NLN: variants seen among roughly 807,000 people sequenced by gnomAD.
NLN encodes the protein neurolysin, mitochondrial.
Under a neutral mutation model 79.9 loss-of-function variants are expected in NLN, and 64 were observed. The observed-to-expected ratio is 0.80, with a 90% CI of 0.65 to 0.99. The LOEUF (loss-of-function observed/expected upper bound fraction) is 0.99, where lower values mean the gene tolerates loss of function less well. Among genes scored for constraint, NLN ranks in the 50% least tolerant of loss-of-function variants. The pLI is 0.00. For synonymous variants in NLN, 267 were observed against 296.6 expected, an observed-to-expected ratio of 0.90 and a Z score of 1.02; for missense variants, 835 against 858.7, an observed-to-expected ratio of 0.97 and a Z score of 0.34.
chr5:65,750,019 T>A (rs1759068736), intron 1 of NLN, among the ~76,000 whole-genome samples: 1 of 152,174 alleles, frequency 6.6e-6, no homozygotes, highest in Non-Finnish European at 1.5e-5. Flanking sequence ...CCTCTGTTTC[T>A]CTGTCCTTTC....
chr5:65,809,351 T>C, intron 9 of NLN, 164 bp from the exon 10 acceptor site: 1 of 589,728 alleles, frequency 1.7e-6, no homozygotes, highest in Non-Finnish European at 2.9e-6. Flanking sequence ...ACTGTTCAGC[T>C]GCTGTGTTTT....
At chr5:65,776,314 T>C (rs116196133) in intron 3 of NLN, among the ~76,000 whole-genome samples, 1 of 152,204 alleles carries the variant, frequency 6.6e-6, no homozygotes. Context: ...TTAAGTAGTA[T>C]TTAGTTAAAA....
chr5:65,733,502 T>C, intron 1 of NLN: 1 of 1,400,128 alleles, frequency 7.1e-7, no homozygotes, highest in South Asian at 1.2e-5. Context: ...ACAGGGGTCA[T>C]GCCAATTGGG....
At chr5:65,773,525 AC>A (rs1759616160) in intron 3 of NLN, among the ~76,000 whole-genome samples, 1 of 152,202 alleles carries the variant, frequency 6.6e-6, no homozygotes, top group South Asian at 2.1e-4. Flanking sequence ...TTTGTATAAT[AC>A]AGAAAATCCC....
intron 2 of NLN, 82 bp downstream of exon 2, chr5:65,758,908 C>A: frequency 7.8e-7 from 1 of 1,283,746 alleles, no homozygotes; most frequent in Non-Finnish European, 1.1e-6. Flanking sequence ...TTCAGTTTTC[C>A]AGTTTTACAA....
rs374297510 is a variant in NLN at position 65,768,350 on chromosome 5, A to T, written c.450+5242A>T. 2.2e-4 allele frequency among the ~76,000 whole-genome samples: 34 copies of T among 152,194 alleles called. 1 individual carries two copies. The highest frequency in any genetic ancestry group is 7.7e-4 in the East Asian group (4 of 5,184). ...CATCTTACATGGTGGCAGGAGAGAGAGTGAACTTAGGGGAAGCATTAGACA... is the reference window on the plus strand; with the variant it reads ...CATCTTACATGGTGGCAGGAGAGAGTGTGAACTTAGGGGAAGCATTAGACA... On this transcript the variant is annotated intron_variant, in intron 3 of 12. Transcript: ENST00000380985.
chr5:65,746,414 A>G (rs1758979550), intron 1 of NLN, among the ~76,000 whole-genome samples: 1 of 152,204 alleles, frequency 6.6e-6, no homozygotes, highest in Admixed American at 6.5e-5. Flanking sequence ...ATAGTGAAGA[A>G]TGTCTGTTGC....
intron 1 of NLN, among the ~76,000 whole-genome samples, chr5:65,741,788 G>A (rs1758874254): frequency 6.6e-6 from 1 of 152,294 alleles, no homozygotes; most frequent in South Asian, 2.1e-4. Flanking sequence ...GATTTTATAT[G>A]CTCTGTGGTC....
At chr5:65,787,219 A>G (rs543179169) in intron 7 of NLN, among the ~76,000 whole-genome samples, 5 of 141,050 alleles carry the variant, frequency 3.5e-5, no homozygotes, top group African/African-American at 1.3e-4. Flanking sequence ...AAACTCACTC[A>G]CTCTCTCTCT....
intron 3 of NLN, among the ~76,000 whole-genome samples, chr5:65,775,336 A>G (rs896476861): frequency 1.3e-5 from 2 of 152,162 alleles, no homozygotes; most frequent in African/African-American, 4.8e-5. Flanking sequence ...CTCATGGCCA[A>G]ATGTGGCCCA....
intron 11 of NLN, 47 bp from the exon 12 acceptor site, chr5:65,812,208 C>T (rs747655042): frequency 3.2e-6 from 5 of 1,555,892 alleles, no homozygotes; most frequent in South Asian, 1.1e-5. Context: ...TTAACCTGAT[C>T]ATTAACGTTT....
intron 12 of NLN, among the ~76,000 whole-genome samples, chr5:65,813,927 C>CA (rs60573203): frequency 0.044 from 6,252 of 140,964 alleles, 337 homozygotes; most frequent in African/African-American, 0.13. Context: ...GAGATTATCT[C>CA]AAAAAAAAAA....
chr5:65,722,205 A>G lies in NLN; in HGVS notation c.-169A>G. The G allele has an allele frequency of 2.9e-6, 1 of 341,164 alleles. No homozygotes were observed. Among genetic ancestry groups the G allele is most frequent in the Non-Finnish European group, 5.2e-6 (1 of 193,590 alleles). 21.1% of individuals were successfully genotyped at this position (341,164 alleles called of 1,614,324 possible). A position where few individuals can be genotyped will look rare whatever the true frequency, so the allele number is the denominator to read the frequency against. ...GGGCACGGCGCGGGGCGGGGCTGGT[A>G]GGCGCCGGCGTGGAGCTGCCGCACG... On this transcript the variant is annotated 5_prime_UTR_variant, in exon 1 of 13. Coordinates refer to ENST00000380985, the MANE Select transcript of NLN (RefSeq NM_020726.5).
At chr5:65,814,750 A>G (rs1465120399) in intron 12 of NLN, among the ~76,000 whole-genome samples, 1 of 152,206 alleles carries the variant, frequency 6.6e-6, no homozygotes, top group Non-Finnish European at 1.5e-5. Context: ...AAAATAGACT[A>G]GTTTTTAAAG....
chr5:65,777,379 C>T (rs778381954), intron 3 of NLN, 48 bp from the exon 4 acceptor site: 2 of 1,182,326 alleles, frequency 1.7e-6, no homozygotes, highest in Non-Finnish European at 2.5e-6. Context: ...TTATAATTTA[C>T]CTGTGCACTG....
At chr5:65,809,210 A>T in intron 9 of NLN, 1 of 229,410 alleles carries the variant, frequency 4.4e-6, no homozygotes, top group Non-Finnish European at 8.4e-6. Context: ...TTCAAAGCTT[A>T]AGGCTTGTTT....
chr5:65,809,943 A>C, intron 10 of NLN, 94 bp from the exon 11 acceptor site: 1 of 1,374,370 alleles, frequency 7.3e-7, no homozygotes, highest in Non-Finnish European at 1.0e-6. Flanking sequence ...TGTGAGTACT[A>C]CTGGAATCTG....
intron 3 of NLN, among the ~76,000 whole-genome samples, chr5:65,777,036 C>T (rs34977): frequency 0.57 from 87,291 of 152,056 alleles, 25,369 homozygotes; most frequent in South Asian, 0.62. Context: ...CAAGTAGGAA[C>T]CAGGTTAGCA....
intron 9 of NLN, among the ~76,000 whole-genome samples, chr5:65,798,643 T>C (rs1760218561): frequency 6.6e-6 from 1 of 152,200 alleles, no homozygotes; most frequent in Admixed American, 6.5e-5. Flanking sequence ...GACTTTAACA[T>C]CAGATGTAAT....
Sources: allele counts gnomAD v4.1 joint callset (sites outside exome capture counted in the v4.1 genomes callset), GRCh38; gene constraint gnomAD v4.1.1; transcripts MANE v1.5; gene names NCBI Gene and HGNC (gene_info 2026-07-23, HGNC 2026-07-21).